FGD4: variants seen among roughly 807,000 people sequenced by gnomAD.
FGD4 encodes the protein FYVE, RhoGEF and PH domain-containing protein 4.
A neutral mutation model predicts 102.0 loss-of-function variants in FGD4; 42 were observed. The ratio of observed to expected loss-of-function variants is 0.41; its 90% CI spans 0.32 to 0.53. FGD4 has a LOEUF of 0.53. Ranked by LOEUF, FGD4 falls within the 20% of genes least tolerant of loss-of-function variation. The pLI is 0.21. For missense variants in FGD4, 902 were observed against 1,078.2 expected, an observed-to-expected ratio of 0.84 and a Z score of 2.29; for synonymous variants, 380 against 375.7, an observed-to-expected ratio of 1.01 and a Z score of -0.13.
intron 1 of FGD4, among the ~76,000 whole-genome samples, chr12:32,522,625 A>G (rs1164714308): frequency 6.6e-6 from 1 of 152,368 alleles, no homozygotes; most frequent in East Asian, 1.9e-4. Context: ...TGGAAGCTGC[A>G]TGGTTATTTC....
intron 1 of FGD4, among the ~76,000 whole-genome samples, chr12:32,463,649 G>A (rs1943171294): frequency 6.6e-6 from 1 of 152,174 alleles, no homozygotes; most frequent in Admixed American, 6.5e-5. Flanking sequence ...GTTCTTGGAA[G>A]CCTGTGAAAT....
intron 15 of FGD4, among the ~76,000 whole-genome samples, chr12:32,637,011 C>A (rs1950868788): frequency 6.7e-6 from 1 of 148,962 alleles, no homozygotes; most frequent in South Asian, 2.1e-4. Flanking sequence ...GCTGGGATTA[C>A]AAGCATGTGC....
intron 1 of FGD4, among the ~76,000 whole-genome samples, chr12:32,451,754 A>G (rs1942781999): frequency 6.6e-6 from 1 of 150,888 alleles, no homozygotes; most frequent in African/African-American, 2.4e-5. Flanking sequence ...TAAAAACACA[A>G]AAAATTAGCC....
chr12:32,608,649 T>A (rs1040060761), intron 8 of FGD4, among the ~76,000 whole-genome samples: 1 of 152,250 alleles, frequency 6.6e-6, no homozygotes, highest in Non-Finnish European at 1.5e-5. Context: ...GGGGTTTTTT[T>A]AAAGGCTTAT....
intron 4 of FGD4, among the ~76,000 whole-genome samples, chr12:32,595,022 C>G (rs1276010552): frequency 8.3e-6 from 1 of 120,826 alleles, no homozygotes; most frequent in Non-Finnish European, 1.6e-5. Context: ...CAGAGCGAGA[C>G]TCCGTCTAAA....
intron 1 of FGD4, among the ~76,000 whole-genome samples, chr12:32,530,273 A>G (rs7970857): frequency 0.18 from 27,770 of 152,170 alleles, 3,109 homozygotes; most frequent in Middle Eastern, 0.35. Context: ...ACTCAATGTC[A>G]GAAGTTTGAG....
chr12:32,515,633 C>T (rs2136698509), intron 1 of FGD4, among the ~76,000 whole-genome samples: 1 of 152,344 alleles, frequency 6.6e-6, no homozygotes, highest in Admixed American at 6.5e-5. Flanking sequence ...CCTGCCCCTC[C>T]TGTTCTTTTC....
intron 1 of FGD4, among the ~76,000 whole-genome samples, chr12:32,422,168 G>C (rs111972149): frequency 0.06 from 8,922 of 149,790 alleles, 375 homozygotes; most frequent in Middle Eastern, 0.13. Flanking sequence ...AAAAAGATGA[G>C]ACTATAAAAC....
intron 1 of FGD4, among the ~76,000 whole-genome samples, chr12:32,472,740 A>C (rs1345605573): frequency 6.6e-6 from 1 of 152,234 alleles, no homozygotes; most frequent in East Asian, 1.9e-4. Flanking sequence ...CACTAGGTGA[A>C]GCCAGCTGGG....
intron 1 of FGD4, among the ~76,000 whole-genome samples, chr12:32,434,586 A>G (rs1443565440): frequency 6.6e-6 from 1 of 152,188 alleles, no homozygotes; most frequent in African/African-American, 2.4e-5. Flanking sequence ...CAGGAAGGTT[A>G]TTTCCTTCAT....
intron 1 of FGD4, among the ~76,000 whole-genome samples, chr12:32,493,514 C>T (rs1944181518): frequency 6.6e-6 from 1 of 152,242 alleles, no homozygotes; most frequent in Non-Finnish European, 1.5e-5. Context: ...GCTTCAGACA[C>T]TTGCCACCCA....
intron 1 of FGD4, among the ~76,000 whole-genome samples, chr12:32,476,998 T>C (rs7309641): frequency 0.37 from 56,858 of 152,076 alleles, 11,530 homozygotes; most frequent in South Asian, 0.51. Flanking sequence ...ACTTGAAAAA[T>C]GAAGATCTGG....
At chr12:32,562,637 G>A (rs534185761) in intron 1 of FGD4, among the ~76,000 whole-genome samples, 1 of 152,270 alleles carries the variant, frequency 6.6e-6, no homozygotes, top group East Asian at 1.9e-4. Flanking sequence ...CTGCCTTCAA[G>A]CTCTGTTTAA....
chr12:32,513,264 G>T (rs1483641088), intron 1 of FGD4, among the ~76,000 whole-genome samples: 1 of 152,182 alleles, frequency 6.6e-6, no homozygotes, highest in African/African-American at 2.4e-5. Flanking sequence ...ACACATAAAA[G>T]CTTGAAAACT....
chr12:32,586,797 T>C (rs970397957), intron 4 of FGD4, among the ~76,000 whole-genome samples: 3 of 152,174 alleles, frequency 2.0e-5, no homozygotes, highest in African/African-American at 7.2e-5. Context: ...TACAAGAGAA[T>C]GGAAGGCAGA....
chr12:32,510,298 A>T (rs1295683891), intron 1 of FGD4, among the ~76,000 whole-genome samples: 1 of 152,228 alleles, frequency 6.6e-6, no homozygotes, highest in Non-Finnish European at 1.5e-5. Context: ...CAACCATTAA[A>T]ACATCTTCAC....
chr12:32,636,693 C>T (rs1017183817), intron 15 of FGD4, among the ~76,000 whole-genome samples: 1 of 122,600 alleles, frequency 8.2e-6, no homozygotes, highest in Non-Finnish European at 1.7e-5. Context: ...GTGTGCTTAC[C>T]AGAAACTGGT....
At chr12:32,403,355 A>G (rs1940769805) in intron 1 of FGD4, among the ~76,000 whole-genome samples, 1 of 152,106 alleles carries the variant, frequency 6.6e-6, no homozygotes, top group South Asian at 2.1e-4. Flanking sequence ...GTTATATAGC[A>G]CTCACGTTCT....
chr12:32,423,999 C>G (rs1211089689), intron 1 of FGD4, among the ~76,000 whole-genome samples: 1 of 152,050 alleles, frequency 6.6e-6, no homozygotes, highest in Non-Finnish European at 1.5e-5. Flanking sequence ...GTGCCTAGCT[C>G]ATTTGACTTA....
Sources: allele counts gnomAD v4.1 joint callset (sites outside exome capture counted in the v4.1 genomes callset), GRCh38; gene constraint gnomAD v4.1.1; transcripts MANE v1.5; gene names NCBI Gene and HGNC (gene_info 2026-07-23, HGNC 2026-07-21).